Variants in MTCP1 observed in about 807,000 individuals in gnomAD.
MTCP1 encodes the protein protein p13 MTCP-1.
Under a neutral mutation model 10.6 loss-of-function variants are expected in MTCP1, and 2 were observed. That is an observed-to-expected ratio of 0.19 (90% CI 0.08 to 0.59). The LOEUF (loss-of-function observed/expected upper bound fraction) is 0.59, where lower values mean the gene tolerates loss of function less well. Ranked by LOEUF, MTCP1 falls within the 20% of genes least tolerant of loss-of-function variation. MTCP1 has a pLI of 0.90. For synonymous variants in MTCP1, 29 were observed against 34.4 expected, an observed-to-expected ratio of 0.84 and a Z score of 0.55; for missense variants, 33 against 91.5, an observed-to-expected ratio of 0.36 and a Z score of 2.61.
At chrX:155,066,482 G>A (rs188929387) in intron 1 of MTCP1, among the ~76,000 whole-genome samples, 1 of 112,526 alleles carries the variant, frequency 8.9e-6, no homozygotes, top group Non-Finnish European at 1.9e-5. Flanking sequence ...TATTCCCCAG[G>A]TAAAAGCCAC....
chrX:155,064,037 A>C lies in MTCP1; in HGVS notation c.*1367T>G. 1 of 1,175,520 alleles carries C rather than the reference A, an allele frequency of 8.5e-7. No homozygotes were observed. The highest frequency in any genetic ancestry group is 3.0e-5 in the East Asian group (1 of 33,293). ...CTTCTGCGGCATATCCAGAAAACTA[A>C]AACAAGAAAAATGATTTTTATTTTT... On this transcript the variant is annotated 3_prime_UTR_variant, in exon 5 of 5. Transcript: ENST00000369476.
rs782285767 is a variant in MTCP1 at position 155,065,649 on chromosome X, A to G, written c.246T>C (p.Ser82=). The G allele has an allele frequency of 8.3e-7, 1 of 1,211,683 alleles. No individual in the cohort carries two copies. Among genetic ancestry groups the G allele is most frequent in the African/African-American group, 1.7e-5 (1 of 57,731 alleles). Residue 82 remains serine (S), a synonymous_variant, in exon 3 of 5, where the codon TCT becomes TCC. Coordinates refer to ENST00000369476, the MANE Select transcript of MTCP1 (RefSeq NM_001018025.4). The part of the protein sequence containing the change: ...YPEERYMDNN[S]RLWQIQHHLM... Reference sequence around the variant, plus strand: ...AATGATGCTGTATCTGCCACAAGCGAGAGTTGTTATCCATGTAGCGCTCCT... The same window carrying G: ...AATGATGCTGTATCTGCCACAAGCGGGAGTTGTTATCCATGTAGCGCTCCT...
chrX:155,066,247 C>T (rs1252060428), intron 1 of MTCP1, among the ~76,000 whole-genome samples, 190 bp from the exon 2 acceptor site: 1 of 112,549 alleles, frequency 8.9e-6, no homozygotes, highest in Non-Finnish European at 1.9e-5. Context: ...TCAGGCAGAG[C>T]CTCAGGTAGT....
intron 4 of MTCP1, 35 bp downstream of exon 4, chrX:155,065,451 G>A (rs1557291934): frequency 8.6e-7 from 1 of 1,168,047 alleles, no homozygotes; most frequent in South Asian, 1.8e-5. Flanking sequence ...CCAAAACAAA[G>A]AGGGGGAGGA....
chrX:155,067,189 C>G (rs1430675533), intron 1 of MTCP1, among the ~76,000 whole-genome samples: 2 of 111,588 alleles, frequency 1.8e-5, no homozygotes, highest in East Asian at 2.8e-4. Context: ...TCGAGAGCAA[C>G]CAGATGCTTC....
At chrX:155,070,009 G>T (rs1323496365) in intron 1 of MTCP1, among the ~76,000 whole-genome samples, 2 of 112,108 alleles carry the variant, frequency 1.8e-5, no homozygotes, top group African/African-American at 6.5e-5. Context: ...CAGGTCCAAT[G>T]TAACTGCACA....
At chrX:155,067,433 C>T (rs782297160) in intron 1 of MTCP1, among the ~76,000 whole-genome samples, 1 of 111,841 alleles carries the variant, frequency 8.9e-6, no homozygotes, top group South Asian at 3.7e-4. Flanking sequence ...CCAATTCCAG[C>T]AGGCACTACA....
Position 155,065,403 on chromosome X carries a change from G to GA in MTCP1, c.*5-5dup, listed in dbSNP as rs202190486. The GA allele has an allele frequency of 3.6e-4, 325 of 913,652 alleles. No individual in the cohort carries two copies. The highest frequency in any genetic ancestry group is 4.5e-4 in the Non-Finnish European group (284 of 635,878). The allele number at this position is 913,652 out of a possible 1,213,427, so 75.3% of individuals were successfully genotyped here. A position where few individuals can be genotyped will look rare whatever the true frequency, so the allele number is the denominator to read the frequency against. ...TATCTTCGTAGAATCCCAGCACCTG[G>GA]AAAAAAAAATCATTAAAATCACCAC... On this transcript the variant is annotated splice_polypyrimidine_tract_variant and splice_region_variant and intron_variant, in intron 4 of 4. Coordinates refer to ENST00000369476, the MANE Select transcript of MTCP1 (RefSeq NM_001018025.4).
chrX:155,069,416 A>G (rs1279393460), intron 1 of MTCP1, among the ~76,000 whole-genome samples: 1 of 112,571 alleles, frequency 8.9e-6, no homozygotes, highest in Admixed American at 9.3e-5. Context: ...CCTGAGGTGT[A>G]AAATGAGAAT....
At chrX:155,069,234 A>T (rs1168880659) in intron 1 of MTCP1, among the ~76,000 whole-genome samples, 1 of 112,668 alleles carries the variant, frequency 8.9e-6, no homozygotes, top group East Asian at 2.8e-4. Context: ...AACAGTTTTT[A>T]AACATTGATC....
chrX:155,070,105 A>G (rs2073965901), intron 1 of MTCP1, among the ~76,000 whole-genome samples: 1 of 112,319 alleles, frequency 8.9e-6, no homozygotes, highest in South Asian at 3.7e-4. Context: ...GTAAAAACGG[A>G]GGCTGCTGGC....
chrX:155,065,682 G>T lies in MTCP1; in HGVS notation c.213C>A (p.Leu71=). ...LTSQLPLMWQ[L]YPEERYMDNN... is the part of the protein sequence containing the mutation. Reference sequence around the variant, plus strand: ...TATCCATGTAGCGCTCCTCCGGGTAGAGTTGCCACATGAGAGGTAGCTGGG... The same window carrying T: ...TATCCATGTAGCGCTCCTCCGGGTATAGTTGCCACATGAGAGGTAGCTGGG... The change falls in exon 3 of 5, where the codon CTC becomes CTA. Residue 71 remains leucine, a synonymous_variant. Coordinates refer to ENST00000369476, the MANE Select transcript of MTCP1 (RefSeq NM_001018025.4). The T allele has an allele frequency of 8.3e-7, 1 of 1,211,852 alleles. No homozygotes were observed. The highest frequency in any genetic ancestry group is 1.1e-6 in the Non-Finnish European group (1 of 895,363).
At chrX:155,068,182 G>C (rs1043680674) in intron 1 of MTCP1, among the ~76,000 whole-genome samples, 1 of 112,287 alleles carries the variant, frequency 8.9e-6, no homozygotes, top group Non-Finnish European at 1.9e-5. Context: ...CCAACATGTT[G>C]ACATTTAAAT....
At chrX:155,069,050 C>G (rs1389014785) in intron 1 of MTCP1, among the ~76,000 whole-genome samples, 1 of 112,585 alleles carries the variant, frequency 8.9e-6, no homozygotes, top group African/African-American at 3.2e-5. Flanking sequence ...CTGGCCAAGA[C>G]AGACAATTTC....
intron 2 of MTCP1, 55 bp from the exon 3 acceptor site, chrX:155,065,844 G>C: frequency 8.4e-7 from 1 of 1,195,631 alleles, no homozygotes; most frequent in Non-Finnish European, 1.1e-6. Context: ...TATTGAGACT[G>C]GAATAGAAAC....
In MTCP1 at chrX:155,064,598, A is replaced by T. The variant is rs1557291882; in HGVS notation, c.*806T>A. The T allele has an allele frequency of 8.9e-6, 1 of 112,230 alleles. No individual in the cohort carries two copies. The highest frequency in any genetic ancestry group is 9.4e-5 in the Admixed American group (1 of 10,607). The allele number at this position is 112,230 out of a possible 1,213,427, so 9.2% of individuals were successfully genotyped here. On this transcript the variant is annotated 3_prime_UTR_variant, in exon 5 of 5. Transcript: ENST00000369476. ...TACTTTAACTCAGGAAATTCTTTACAAGTAGTAAATGTTTTCCTAGGAATC... is the reference window on the plus strand; with the variant it reads ...TACTTTAACTCAGGAAATTCTTTACTAGTAGTAAATGTTTTCCTAGGAATC...
intron 1 of MTCP1, among the ~76,000 whole-genome samples, chrX:155,069,812 C>T (rs1292548989): frequency 8.9e-6 from 1 of 112,220 alleles, no homozygotes; most frequent in Non-Finnish European, 1.9e-5. Flanking sequence ...AGATTGACTA[C>T]CGCCGATAAC....
At chrX:155,066,274 CG>C (rs1316373809) in intron 1 of MTCP1, among the ~76,000 whole-genome samples, 1 of 112,556 alleles carries the variant, frequency 8.9e-6, no homozygotes, top group Admixed American at 9.4e-5. Flanking sequence ...GACTGCAAAG[CG>C]CTCAAGAATT....
chrX:155,064,856 A>G lies in MTCP1; in HGVS notation c.*548T>C. The G allele has an allele frequency of 8.8e-6, 1 of 114,182 alleles. No homozygotes were observed. Among genetic ancestry groups the G allele is most frequent in the Non-Finnish European group, 1.9e-5 (1 of 53,646 alleles). 9.4% of individuals were successfully genotyped at this position (114,182 alleles called of 1,213,427 possible). A position where few individuals can be genotyped will look rare whatever the true frequency, so the allele number is the denominator to read the frequency against. On this transcript the variant is annotated 3_prime_UTR_variant, in exon 5 of 5. Transcript: ENST00000369476. ...ATTTCATCAATGCATATCTCTTTTC[A>G]GAGCCCTCTAAATACTCAGCAGATC...
Sources: gnomAD v4.1 joint callset for allele counts (sites outside exome capture counted in the v4.1 genomes callset) on GRCh38, gnomAD v4.1.1 for gene constraint, MANE v1.5 for transcripts, NCBI Gene and HGNC (gene_info 2026-07-23, HGNC 2026-07-21) for gene names.